TPCN1: variants seen among roughly 807,000 people sequenced by gnomAD.
The protein encoded by TPCN1 is two pore channel protein 1.
TPCN1 carries 52 observed loss-of-function variants against 108.8 expected under a neutral mutation model. The ratio of observed to expected loss-of-function variants is 0.48; its 90% CI spans 0.38 to 0.60. The LOEUF (loss-of-function observed/expected upper bound fraction) is 0.60, where lower values mean the gene tolerates loss of function less well. TPCN1 is among the 20% of genes least tolerant of loss of function. The pLI, the probability that TPCN1 is intolerant of heterozygous loss-of-function variation, is 0.00. For missense variants in TPCN1, 806 were observed against 1,072.8 expected, an observed-to-expected ratio of 0.75 and a Z score of 3.47; for synonymous variants, 446 against 433.7, an observed-to-expected ratio of 1.03 and a Z score of -0.35.
Position 113,230,115 on chromosome 12 carries a change from A to G in TPCN1, c.112+3151A>G, listed in dbSNP as rs1302822705. 5.3e-5 allele frequency among the ~76,000 whole-genome samples: 8 copies of G among 151,934 alleles called. No homozygotes were observed. The South Asian group carries it at 1.2e-3, about 24-fold the overall frequency. ...TCTTGAAAATCCTGCTGATAACACC[A>G]TCTCTTTGAAGCCTTCACTGAACTT... On this transcript the variant is annotated intron_variant, in intron 2 of 27. Transcript: ENST00000335509.
chr12:113,229,643 T>C (rs1232613756), intron 2 of TPCN1, among the ~76,000 whole-genome samples: 1 of 152,106 alleles, frequency 6.6e-6, no homozygotes, highest in African/African-American at 2.4e-5. Context: ...CGTGAGCCAC[T>C]ACACCCAGCT....
chr12:113,257,051 AAAAG>A (rs1489598588), intron 2 of TPCN1, among the ~76,000 whole-genome samples: 2 of 152,250 alleles, frequency 1.3e-5, no homozygotes, highest in Non-Finnish European at 1.5e-5. Flanking sequence ...ATAATAAAAA[AAAAG>A]AAAAAGGTGA....
Position 113,278,231 on chromosome 12 carries a change from G to A in TPCN1, c.1227G>A (p.Lys409=), listed in dbSNP as rs1403790004. ...ATATCTACGAAGTTGCTGCTTTGAA[G>A]TGGAAGGTGAGTTCTTCTCTGAGAC... The part of the protein sequence containing the change: ...FYDIYEVAAL[K]WKAKKNREHW... Residue 409 remains lysine (K), a synonymous_variant, in exon 13 of 28, where the codon AAG becomes AAA. Coordinates refer to ENST00000335509, the MANE Select transcript of TPCN1 (RefSeq NM_017901.6). 1 of 1,613,914 alleles carries A rather than the reference G, an allele frequency of 6.2e-7. No homozygotes were observed. The highest frequency in any genetic ancestry group is 8.5e-7 in the Non-Finnish European group (1 of 1,179,868).
At chr12:113,244,506 T>A (rs777922439) in intron 2 of TPCN1, 2 of 985,312 alleles carry the variant, frequency 2.0e-6, no homozygotes, top group African/African-American at 3.5e-5. Flanking sequence ...TTGCTTTCTT[T>A]CGGCGTAGCA....
chr12:113,285,929 C>T lies in TPCN1; in HGVS notation c.1494C>T (p.Gly498=), dbSNP rs774094961. The part of the protein sequence containing the change: ...VELFLKVAGL[G]PVEYLSSGWN... Reference sequence around the variant, plus strand: ...TGTTCCTGAAGGTTGCCGGCCTGGGCCCTGTGGAGTACTTGTCTTCCGGAT... The same window carrying T: ...TGTTCCTGAAGGTTGCCGGCCTGGGTCCTGTGGAGTACTTGTCTTCCGGAT... The change falls in exon 18 of 28, where the codon GGC becomes GGT. Residue 498 remains glycine, a synonymous_variant. Coordinates refer to ENST00000335509, the MANE Select transcript of TPCN1 (RefSeq NM_017901.6). The T allele has an allele frequency of 1.2e-6, 2 of 1,614,068 alleles. No individual in the cohort carries two copies. Among genetic ancestry groups the T allele is most frequent in the Non-Finnish European group, 1.7e-6 (2 of 1,180,026 alleles).
chr12:113,263,669 G>A (rs1357359427), intron 3 of TPCN1, among the ~76,000 whole-genome samples: 1 of 152,230 alleles, frequency 6.6e-6, no homozygotes, highest in Non-Finnish European at 1.5e-5. Flanking sequence ...GGTGTCTGGT[G>A]CCTGCAGTTT....
In TPCN1 at chr12:113,290,222, G is replaced by A. The variant is rs1956222136; in HGVS notation, c.1891G>A (p.Asp631Asn). The change falls in exon 22 of 28, where the codon GAC becomes AAC. Residue 631 changes from aspartate (D) to asparagine (N), a missense_variant. By Grantham distance (23) the Asp-to-Asn change is conservative. Coordinates refer to ENST00000335509, the MANE Select transcript of TPCN1 (RefSeq NM_017901.6). The stretch of plus-strand genomic sequence containing the variant: ...AGGCTACTATTATCTCAATAATTTT[G>A]ACAACATCCTCAACAGCTTTGGTGA... Reference protein sequence around the residue: ...EEGYYYLNNFDNILNSFVTLF... With the variant: ...EEGYYYLNNFNNILNSFVTLF... The A allele has an allele frequency of 1.9e-6, 3 of 1,602,650 alleles. No homozygotes were observed. Among genetic ancestry groups the A allele is most frequent in the Non-Finnish European group, 2.6e-6 (3 of 1,173,614 alleles).
intron 2 of TPCN1, among the ~76,000 whole-genome samples, chr12:113,236,547 G>A (rs758292868): frequency 3.9e-5 from 6 of 151,944 alleles, no homozygotes; most frequent in Non-Finnish European, 8.8e-5. Flanking sequence ...GTAAGGAGGG[G>A]GGTTGCAGTG....
chr12:113,225,324 G>A (rs559675546), intron 1 of TPCN1: 61 of 443,642 alleles, frequency 1.4e-4, no homozygotes, highest in South Asian at 7.4e-4. Context: ...CTCCCAAAGC[G>A]CTGAGATTAC....
At chr12:113,276,876 CA>C in intron 10 of TPCN1, 42 bp from the exon 11 acceptor site, 1 of 1,396,792 alleles carries the variant, frequency 7.2e-7, no homozygotes, top group Non-Finnish European at 1.0e-6. Context: ...CTGCCCTAAC[CA>C]CTCAAGGTCC....
In TPCN1 at chr12:113,232,116, T is replaced by G. The variant is rs1295761149; in HGVS notation, c.112+5152T>G. Among the ~76,000 whole-genome samples, 1 of 152,264 alleles carries G rather than the reference T, an allele frequency of 6.6e-6. No homozygotes were observed. Among genetic ancestry groups the G allele is most frequent in the Non-Finnish European group, 1.5e-5 (1 of 68,040 alleles). On this transcript the variant is annotated intron_variant, in intron 2 of 27. Coordinates refer to ENST00000335509, the MANE Select transcript of TPCN1 (RefSeq NM_017901.6). This position sits in a 1 kb window ranked among gnomAD's most constrained non-coding sequence, Gnocchi z 5.6. ...GGGCTCGCGGGGGCTGGCTGAGGTC[T>G]GAGCAGGATGCTCCGTCTCTGCTTT...
chr12:113,241,059 C>G (rs1954098309), intron 2 of TPCN1, among the ~76,000 whole-genome samples: 1 of 152,170 alleles, frequency 6.6e-6, no homozygotes, highest in East Asian at 1.9e-4. Flanking sequence ...CACTCCTGCT[C>G]ATTCTTTAGG....
chr12:113,282,048 G>A (rs532816085), intron 15 of TPCN1, among the ~76,000 whole-genome samples: 36 of 147,268 alleles, frequency 2.4e-4, no homozygotes, highest in Non-Finnish European at 4.3e-4. Context: ...AGCCTCCCAA[G>A]TAGCTGGGAT....
rs762218145 is a variant in TPCN1, at chr12:113,285,889, T to C, written c.1454T>C (p.Ile485Thr). 9 of 1,613,776 alleles carry C rather than the reference T, an allele frequency of 5.6e-6. No homozygotes were observed. Among genetic ancestry groups the C allele is most frequent in the Middle Eastern group, 1.6e-4 (1 of 6,070 alleles). ...GCCGATGGATTCCTTCTGTCCACAG[T>C]CTATGGGGTGGAGCTGTTCCTGAAG... ...VPWSYLVFLT[I>T]YGVELFLKVA... The change falls in exon 18 of 28, where the codon ATC becomes ACC. Residue 485 changes from isoleucine (I) to threonine (T), a missense_variant and splice_region_variant. By Grantham distance (89) the Ile-to-Thr change is moderately conservative. Transcript: ENST00000335509.
chr12:113,278,532 G>A (rs751345192), intron 13 of TPCN1, among the ~76,000 whole-genome samples: 3 of 152,238 alleles, frequency 2.0e-5, no homozygotes, highest in Non-Finnish European at 4.4e-5. Flanking sequence ...GGGAAGTGGC[G>A]TAAGGATAAT....
chr12:113,274,296 A>G (rs115052608), intron 10 of TPCN1, among the ~76,000 whole-genome samples: 5,035 of 152,152 alleles, frequency 0.033, 264 homozygotes, highest in African/African-American at 0.11. Context: ...CTACTTATGA[A>G]AATTAGCTGG....
At chr12:113,240,589 C>G (rs960579596) in intron 2 of TPCN1, among the ~76,000 whole-genome samples, 2 of 152,170 alleles carry the variant, frequency 1.3e-5, no homozygotes, top group Non-Finnish European at 2.9e-5. Flanking sequence ...TTCCTCCGTT[C>G]TCACATTCTT....
intron 2 of TPCN1, among the ~76,000 whole-genome samples, chr12:113,241,069 G>A (rs1400617760): frequency 1.3e-5 from 2 of 152,008 alleles, no homozygotes; most frequent in African/African-American, 4.8e-5. Context: ...CATTCTTTAG[G>A]GTGGCTTCTT....
At chr12:113,286,333 C>T (rs1417280385) in intron 18 of TPCN1, among the ~76,000 whole-genome samples, 1 of 144,022 alleles carries the variant, frequency 6.9e-6, no homozygotes, top group African/African-American at 2.5e-5. Flanking sequence ...TGGCCCTTCT[C>T]CCTATTCCCC....
Sources: allele counts gnomAD v4.1 joint callset (sites outside exome capture counted in the v4.1 genomes callset), GRCh38; gene constraint gnomAD v4.1.1; non-coding constraint Gnocchi (gnomAD v3.1); transcripts MANE v1.5; gene names NCBI Gene and HGNC (gene_info 2026-07-23, HGNC 2026-07-21).